The following DNAH3 variants were observed in gnomAD, a reference collection of about 807,000 sequenced individuals.
DNAH3 encodes the protein axonemal beta dynein heavy chain 3.
Under a neutral mutation model 432.5 loss-of-function variants are expected in DNAH3, and 332 were observed. The ratio of observed to expected loss-of-function variants is 0.77; its 90% CI spans 0.70 to 0.84. The LOEUF (loss-of-function observed/expected upper bound fraction) is 0.84, where lower values mean the gene tolerates loss of function less well. DNAH3 is among the 40% of genes least tolerant of loss of function. The pLI is 0.00. For synonymous variants in DNAH3, 1,956 were observed against 1,900.2 expected (o/e 1.03, Z -0.76); for missense variants, 4,861 against 5,114.0 (o/e 0.95, Z 1.51).
intron 8 of DNAH3, among the ~76,000 whole-genome samples, chr16:21,125,573 G>T (rs919118029): frequency 5.3e-5 from 8 of 152,190 alleles, no homozygotes; most frequent in African/African-American, 1.7e-4. Context: ...GAATTAAGAG[G>T]TTATTCTTCC....
exon 53 of DNAH3, chr16:20,963,684 G>A: frequency 6.2e-7 from 1 of 1,614,020 alleles, no homozygotes; most frequent in South Asian, 1.1e-5. Context: ...CCAGTGCGAT[G>A]CCTCCAGTGA....
At chr16:20,985,013 G>A (rs1445114790) in intron 48 of DNAH3, 36 bp downstream of exon 48, 1 of 1,537,876 alleles carries the variant, frequency 6.5e-7, no homozygotes, top group Non-Finnish European at 8.8e-7. Flanking sequence ...AAAACACCCA[G>A]AAGAACAAGG....
chr16:20,964,837 T>C, exon 53 of DNAH3: 1 of 1,614,122 alleles, frequency 6.2e-7, no homozygotes. Flanking sequence ...CTGGACCCGA[T>C]AATCCACTGT....
intron 50 of DNAH3, among the ~76,000 whole-genome samples, chr16:20,975,664 A>C (rs2152648767): frequency 6.6e-6 from 1 of 152,372 alleles, no homozygotes; most frequent in Non-Finnish European, 1.5e-5. Flanking sequence ...TTGTAAACTA[A>C]AATCTTTTTT....
intron 57 of DNAH3, among the ~76,000 whole-genome samples, chr16:20,946,313 C>T (rs1037684186): frequency 2.0e-5 from 3 of 152,182 alleles, no homozygotes; most frequent in African/African-American, 7.2e-5. Context: ...AATCAGAAAA[C>T]GTTTAAATCT....
chr16:21,148,446 T>A (rs533642392), intron 1 of DNAH3, among the ~76,000 whole-genome samples: 69 of 151,258 alleles, frequency 4.6e-4, no homozygotes, highest in East Asian at 1.5e-3. Flanking sequence ...TTATTTATTT[T>A]TTTTTTTTGA....
intron 1 of DNAH3, 91 bp from the exon 3 acceptor site, chr16:21,146,179 A>G: frequency 1.3e-6 from 1 of 775,742 alleles, no homozygotes; most frequent in Non-Finnish European, 2.2e-6. Flanking sequence ...TCCCCAGGAA[A>G]AGTTTTAGGT....
At chr16:20,943,444 G>A (rs778717359) in intron 58 of DNAH3, among the ~76,000 whole-genome samples, 5 of 151,838 alleles carry the variant, frequency 3.3e-5, no homozygotes, top group Non-Finnish European at 7.4e-5. Flanking sequence ...GGCTGGCCTC[G>A]AACTCCTGGC....
chr16:20,985,475 G>A (rs1567584423), exon 48 of DNAH3: 3 of 1,614,204 alleles, frequency 1.9e-6, no homozygotes, highest in Non-Finnish European at 2.5e-6. Flanking sequence ...TCCTGCTTCA[G>A]GACACGGCAG....
chr16:21,042,668 C>CT (rs993337394), intron 31 of DNAH3, among the ~76,000 whole-genome samples: 1 of 151,670 alleles, frequency 6.6e-6, no homozygotes, highest in African/African-American at 2.4e-5. Flanking sequence ...ACAGCAAGAT[C>CT]TTTTTTCTTT....
At chr16:21,097,689 C>A (rs1344921845) in intron 17 of DNAH3, among the ~76,000 whole-genome samples, 190 bp from the exon 18 acceptor site, 3 of 152,188 alleles carry the variant, frequency 2.0e-5, no homozygotes. Flanking sequence ...AGGACCTTGG[C>A]AGCTGAGGTC....
chr16:20,963,338 T>C, exon 53 of DNAH3: 2 of 1,614,162 alleles, frequency 1.2e-6, no homozygotes, highest in South Asian at 2.2e-5. Context: ...GCACAGCAGC[T>C]GGAATCATTG....
At chr16:21,086,170 T>G (rs547817453) in intron 19 of DNAH3, among the ~76,000 whole-genome samples, 2 of 152,328 alleles carry the variant, frequency 1.3e-5, no homozygotes, top group East Asian at 3.9e-4. Context: ...AAAGGATGTT[T>G]CAAGGCCATT....
chr16:20,981,776 A>C (rs1394269638), intron 49 of DNAH3, among the ~76,000 whole-genome samples: 2 of 151,790 alleles, frequency 1.3e-5, no homozygotes, highest in East Asian at 3.9e-4. Flanking sequence ...GATTGAACCT[A>C]CTGTGTGCCA....
chr16:20,962,121 A>T (rs1246210974), intron 53 of DNAH3, among the ~76,000 whole-genome samples: 4 of 151,812 alleles, frequency 2.6e-5, no homozygotes. Flanking sequence ...ATATCACGCC[A>T]CTGCAGTCCA....
intron 54 of DNAH3, among the ~76,000 whole-genome samples, chr16:20,956,005 G>A (rs2084547827): frequency 6.6e-6 from 1 of 151,750 alleles, no homozygotes; most frequent in African/African-American, 2.4e-5. Context: ...TCGGCTCACT[G>A]CAACCTCCAC....
At position 20,982,671 on chromosome 16, in the gene DNAH3, G is replaced by A. The variant is rs373201822; in HGVS notation, c.7859+50C>T. ...AACAACAAAAATAGAGCCAGCGTCT[G>A]GACTTCAAATTTGGAATATCTAGAG... On this transcript the variant is annotated intron_variant, in intron 49 of 61. Transcript: ENST00000261383. The A allele has an allele frequency of 9.5e-5, 142 of 1,499,724 alleles. No homozygotes were observed. In the African/African-American group the frequency reaches 1.7e-3, roughly 18 times the overall value. 92.9% of individuals were successfully genotyped at this position (1,499,724 alleles called of 1,614,324 possible).
chr16:21,005,990 G>A (rs1276598501), intron 41 of DNAH3, among the ~76,000 whole-genome samples: 1 of 151,866 alleles, frequency 6.6e-6, no homozygotes, highest in Non-Finnish European at 1.5e-5. Context: ...TCTTACAATT[G>A]GTAGAAACAA....
rs2083550708 is a variant in DNAH3 at position 20,935,403 on chromosome 16, TGA to T, written c.11940_11941del (p.Gln3981LysfsTer11). Reference sequence around the variant, plus strand: ...GATGGTATATTTCCGGGCATAATTTTGAGAGACGCCAGTCAAAAAAGACTGTG... The same window carrying T: ...GATGGTATATTTCCGGGCATAATTTTGAGACGCCAGTCAAAAAAGACTGTG... On this transcript the variant is annotated frameshift_variant, in exon 61 of 62. Coordinates refer to ENST00000261383, the Ensembl canonical transcript of DNAH3. LOFTEE classifies it high-confidence loss of function. 7 of 1,613,534 alleles carry T rather than the reference TGA, an allele frequency of 4.3e-6. No individual in the cohort carries two copies. The highest frequency in any genetic ancestry group is 5.9e-6 in the Non-Finnish European group (7 of 1,179,918).
Sources: allele counts gnomAD v4.1 joint callset (sites outside exome capture counted in the v4.1 genomes callset), GRCh38; gene constraint gnomAD v4.1.1; transcripts MANE v1.5; gene names NCBI Gene and HGNC (gene_info 2026-07-23, HGNC 2026-07-21).